GUCY1A2: variants seen among roughly 807,000 people sequenced by gnomAD.
The protein encoded by GUCY1A2 is guanylate cyclase soluble subunit alpha-2.
In GUCY1A2, 27 loss-of-function variants were observed where a neutral mutation model predicts 63.5. The observed-to-expected ratio is 0.43, with a 90% confidence interval of 0.31 to 0.59. The LOEUF is 0.59. Among genes scored for constraint, GUCY1A2 ranks in the 20% least tolerant of loss-of-function variants. The pLI is 0.11. For synonymous variants in GUCY1A2, 364 were observed against 343.5 expected (o/e 1.06, Z -0.66); for missense variants, 768 against 913.3 (o/e 0.84, Z 2.05).
Position 106,678,327 on chromosome 11 carries a change from A to G in GUCY1A2, c.*9222T>C, listed in dbSNP as rs565407656. On this transcript the variant is annotated 3_prime_UTR_variant, in exon 8 of 8. Transcript: ENST00000526355. ...CAGTGTGGTAATTTTTACCAAAAAA[A>G]TTCAGAAGGAGGGTTTCACATTATT... The G allele has an allele frequency of 4.8e-6, 1 of 207,260 alleles. No homozygotes were observed. Among genetic ancestry groups the G allele is most frequent in the East Asian group, 7.3e-5 (1 of 13,758 alleles). The allele number at this position is 207,260 out of a possible 1,614,324, so 12.8% of individuals were successfully genotyped here.
At chr11:106,790,759 T>C (rs759351610) in intron 5 of GUCY1A2, among the ~76,000 whole-genome samples, 3 of 152,036 alleles carry the variant, frequency 2.0e-5, no homozygotes, top group African/African-American at 7.2e-5. Flanking sequence ...TTGTGGCCCA[T>C]GGTGTGTCTA....
At chr11:106,709,372 A>AT (rs1171113147) in intron 6 of GUCY1A2, among the ~76,000 whole-genome samples, 1 of 99,184 alleles carries the variant, frequency 1.0e-5, no homozygotes, top group East Asian at 2.5e-4. Flanking sequence ...ATATATATAA[A>AT]TTATATATAT....
intron 6 of GUCY1A2, among the ~76,000 whole-genome samples, chr11:106,756,166 C>T (rs938306295): frequency 1.3e-5 from 2 of 152,122 alleles, no homozygotes; most frequent in Non-Finnish European, 2.9e-5. Context: ...ACTAGGATTG[C>T]AACCCCTGCT....
rs1862531086 is a variant in GUCY1A2, at chr11:106,686,643, G to A, written c.*906C>T. On this transcript the variant is annotated 3_prime_UTR_variant, in exon 8 of 8. Coordinates refer to ENST00000526355, the MANE Select transcript of GUCY1A2 (RefSeq NM_000855.3). ...TTGCAAAAGCTACCTATATTTGTAA[G>A]TGCTAAGTTGAAAAGGATCCAGTGT... 4.6e-6 allele frequency: 1 copy of A among 215,586 alleles called. No homozygotes were observed. Among genetic ancestry groups the A allele is most frequent in the East Asian group, 6.8e-5 (1 of 14,646 alleles). 13.4% of individuals were successfully genotyped at this position (215,586 alleles called of 1,614,324 possible). A position where few individuals can be genotyped will look rare whatever the true frequency, so the allele number is the denominator to read the frequency against.
rs1390264676 is a variant in GUCY1A2, at chr11:106,681,583, C to G, written c.*5966G>C. On this transcript the variant is annotated 3_prime_UTR_variant, in exon 8 of 8. Transcript: ENST00000526355. ...TATTAATCACTTTACAGCATGTTTG[C>G]AAATGAATAACTTCTGAGATAGATT... is the stretch of plus-strand genomic sequence containing the variant. The G allele has an allele frequency of 4.5e-6, 1 of 222,544 alleles. No individual in the cohort carries two copies. Among genetic ancestry groups the G allele is most frequent in the African/African-American group, 2.2e-5 (1 of 44,738 alleles). The allele number at this position is 222,544 out of a possible 1,614,324, so 13.8% of individuals were successfully genotyped here. A position where few individuals can be genotyped will look rare whatever the true frequency, so the allele number is the denominator to read the frequency against.
intron 6 of GUCY1A2, among the ~76,000 whole-genome samples, chr11:106,753,830 A>C (rs914908196): frequency 2.0e-5 from 3 of 151,996 alleles, no homozygotes; most frequent in African/African-American, 7.2e-5. Flanking sequence ...ATTGACTTGG[A>C]AATGTGGGCT....
chr11:106,981,317 G>C (rs1861331771), intron 2 of GUCY1A2, among the ~76,000 whole-genome samples: 1 of 152,018 alleles, frequency 6.6e-6, no homozygotes, highest in African/African-American at 2.4e-5. Context: ...AAAAGAAAAA[G>C]AGAACAGAAG....
intron 4 of GUCY1A2, among the ~76,000 whole-genome samples, chr11:106,926,491 G>A (rs1367071154): frequency 7.3e-5 from 11 of 150,406 alleles, no homozygotes; most frequent in African/African-American, 2.7e-4. Context: ...TCCACCTTCA[G>A]GAAAGATGAG....
At chr11:106,704,271 G>C (rs1237006517) in intron 7 of GUCY1A2, among the ~76,000 whole-genome samples, 1 of 152,158 alleles carries the variant, frequency 6.6e-6, no homozygotes, top group Admixed American at 6.6e-5. Context: ...GTAAATGAAT[G>C]TCTAATATGT....
chr11:106,743,087 C>T (rs1863724768), intron 6 of GUCY1A2, among the ~76,000 whole-genome samples: 1 of 152,140 alleles, frequency 6.6e-6, no homozygotes, highest in Admixed American at 6.5e-5. Context: ...TTCATCTAAT[C>T]AAGTAAGTTT....
Position 106,685,139 on chromosome 11 carries a change from A to C in GUCY1A2, c.*2410T>G, listed in dbSNP as rs1862501874. 4.8e-6 allele frequency: 1 copy of C among 206,282 alleles called. No homozygotes were observed. Among genetic ancestry groups the C allele is most frequent in the South Asian group, 1.9e-4 (1 of 5,306 alleles). 12.8% of individuals were successfully genotyped at this position (206,282 alleles called of 1,614,324 possible). ...AAATACACTTAGGTTATAATGTATG[A>C]AAAATGTAGTTGACATCCTGTCAGT... On this transcript the variant is annotated 3_prime_UTR_variant, in exon 8 of 8. Transcript: ENST00000526355.
At chr11:106,869,466 T>C (rs1214492275) in intron 4 of GUCY1A2, among the ~76,000 whole-genome samples, 2 of 152,166 alleles carry the variant, frequency 1.3e-5, no homozygotes, top group African/African-American at 2.4e-5. Flanking sequence ...CAGACGCTTC[T>C]CAAAAGAAGA....
intron 4 of GUCY1A2, among the ~76,000 whole-genome samples, chr11:106,890,608 G>A (rs184462940): frequency 1.3e-5 from 2 of 152,160 alleles, no homozygotes; most frequent in Admixed American, 1.3e-4. Context: ...TTTTCCTGCT[G>A]GCCACAGAAT....
At chr11:106,741,070 A>T (rs2135378815) in intron 6 of GUCY1A2, among the ~76,000 whole-genome samples, 1 of 152,352 alleles carries the variant, frequency 6.6e-6, no homozygotes, top group South Asian at 2.1e-4. Flanking sequence ...GCTGTCCAAT[A>T]GAAAAACAAT....
chr11:106,752,827 CAT>C (rs1235644545), intron 6 of GUCY1A2, among the ~76,000 whole-genome samples: 3 of 152,130 alleles, frequency 2.0e-5, no homozygotes, highest in Non-Finnish European at 2.9e-5. Context: ...CATACGTGTG[CAT>C]ATGTCTTTAT....
chr11:106,847,852 G>T (rs192682277), intron 4 of GUCY1A2, among the ~76,000 whole-genome samples: 1 of 151,656 alleles, frequency 6.6e-6, no homozygotes, highest in East Asian at 1.9e-4. Context: ...AATAAGAAAT[G>T]CTTTTTTTTA....
At chr11:106,854,248 C>T (rs1859396284) in intron 4 of GUCY1A2, among the ~76,000 whole-genome samples, 2 of 152,096 alleles carry the variant, frequency 1.3e-5, no homozygotes, top group East Asian at 3.9e-4. Flanking sequence ...AGCCTTGGGC[C>T]CGTGGGAGTG....
At chr11:106,829,869 A>G (rs186057474) in intron 4 of GUCY1A2, among the ~76,000 whole-genome samples, 1 of 152,332 alleles carries the variant, frequency 6.6e-6, no homozygotes, top group Non-Finnish European at 1.5e-5. Context: ...CAATCCAGGC[A>G]GGACTACAAA....
At chr11:106,866,054 A>G (rs1239648746) in intron 4 of GUCY1A2, among the ~76,000 whole-genome samples, 1 of 152,006 alleles carries the variant, frequency 6.6e-6, no homozygotes, top group East Asian at 1.9e-4. Context: ...TAAGGCTTAT[A>G]ATATTCACTT....
Sources: allele counts gnomAD v4.1 joint callset (sites outside exome capture counted in the v4.1 genomes callset), GRCh38; gene constraint gnomAD v4.1.1; transcripts MANE v1.5; gene names NCBI Gene and HGNC (gene_info 2026-07-23, HGNC 2026-07-21).